TBC1D10A: variants seen among roughly 807,000 people sequenced by gnomAD.
TBC1D10A encodes the protein TBC1 domain family member 10A.
TBC1D10A carries 24 observed loss-of-function variants against 52.9 expected under a neutral mutation model. That is an observed-to-expected ratio of 0.45 (90% confidence interval 0.33 to 0.64). TBC1D10A has a LOEUF of 0.64. Ranked by LOEUF, TBC1D10A falls within the 30% of genes least tolerant of loss-of-function variation. TBC1D10A has a pLI of 0.02. For missense variants in TBC1D10A, 602 were observed against 687.9 expected, an observed-to-expected ratio of 0.88 and a Z score of 1.40; for synonymous variants, 278 against 282.9, an observed-to-expected ratio of 0.98 and a Z score of 0.17.
At chr22:30,296,128 T>C (rs1336104226) in intron 3 of TBC1D10A, 1 of 393,458 alleles carries the variant, frequency 2.5e-6, no homozygotes, top group African/African-American at 2.1e-5. Context: ...TGGAAGGACC[T>C]CTAGACATTT....
rs999025658 is a variant in TBC1D10A at position 30,309,909 on chromosome 22, C to T, written c.210-5279G>A. Among the ~76,000 whole-genome samples, 3 of 152,176 alleles carry T rather than the reference C, an allele frequency of 2.0e-5. No homozygotes were observed. The East Asian group carries it at 5.8e-4, about 29-fold the overall frequency. On this transcript the variant is annotated intron_variant, in intron 1 of 8. Transcript: ENST00000215790. ...AGGGCAGTGTCCATGCTCATCACCT[C>T]CTTATCCTAGCCTGTCGTGGGAGAT...
At chr22:30,307,220 C>T (rs1157745727) in intron 1 of TBC1D10A, among the ~76,000 whole-genome samples, 1 of 152,116 alleles carries the variant, frequency 6.6e-6, no homozygotes, top group Admixed American at 6.5e-5. Context: ...AGAAGCTGGC[C>T]CAGTATAAGG....
Position 30,299,424 on chromosome 22 carries a change from G to C in TBC1D10A, c.417+20C>G. 2 of 1,611,484 alleles carry C rather than the reference G, an allele frequency of 1.2e-6. No homozygotes were observed. The highest frequency in any genetic ancestry group is 1.7e-6 in the Non-Finnish European group (2 of 1,177,722). ...CAAGAGATGCGGAAGGGAGGGCAGG[G>C]CAAAGGAAGGGAAACTTACGTCAAA... On this transcript the variant is annotated intron_variant, in intron 3 of 8. Coordinates refer to ENST00000215790, the MANE Select transcript of TBC1D10A (RefSeq NM_031937.3).
intron 1 of TBC1D10A, among the ~76,000 whole-genome samples, chr22:30,317,940 T>C (rs1162890864): frequency 6.6e-6 from 1 of 152,120 alleles, no homozygotes; most frequent in Non-Finnish European, 1.5e-5. Flanking sequence ...AGCCCCATGG[T>C]TGGGTGAGGG....
At chr22:30,301,871 A>G (rs1698633689) in intron 2 of TBC1D10A, among the ~76,000 whole-genome samples, 1 of 152,168 alleles carries the variant, frequency 6.6e-6, no homozygotes, top group African/African-American at 2.4e-5. Flanking sequence ...GCTGAAGGGA[A>G]CTGCACTAGA....
At chr22:30,312,754 C>T (rs144202038) in intron 1 of TBC1D10A, among the ~76,000 whole-genome samples, 1 of 152,284 alleles carries the variant, frequency 6.6e-6, no homozygotes, top group East Asian at 1.9e-4. Context: ...TCATTCCAAA[C>T]TCCTTCTCAT....
chr22:30,326,830 T>C lies in TBC1D10A; in HGVS notation c.52A>G (p.Ser18Gly). 1 of 1,474,624 alleles carries C rather than the reference T, an allele frequency of 6.8e-7. No homozygotes were observed. The highest frequency in any genetic ancestry group is 8.9e-7 in the Non-Finnish European group (1 of 1,119,378). The allele number at this position is 1,474,624 out of a possible 1,614,324, so 91.3% of individuals were successfully genotyped here. A position where few individuals can be genotyped will look rare whatever the true frequency, so the allele number is the denominator to read the frequency against. ...NGPRAPAAGE[S>G]LSGTRESLAQ... Reference sequence around the variant, plus strand: ...AGGCTCTCCCGGGTTCCCGACAGGCTTTCCCCGGCCGCGGGCGCGCGCGGC... The same window carrying C: ...AGGCTCTCCCGGGTTCCCGACAGGCCTTCCCCGGCCGCGGGCGCGCGCGGC... Residue 18 changes from serine to glycine, a missense_variant, in exon 1 of 9, where the codon AGC (serine) becomes GGC (glycine). This residue lies in a region of TBC1D10A where 201 missense variants were observed against 204.4 expected (regional missense o/e 0.98). Coordinates refer to ENST00000215790, the MANE Select transcript of TBC1D10A (RefSeq NM_031937.3).
In TBC1D10A at chr22:30,295,062, A is replaced by C; in HGVS notation, c.525-7T>G. The stretch of plus-strand genomic sequence containing the variant: ...ACGGAATAGGTCCTGCTGGCTGTGG[A>C]GAGGCCGGGCAGAGCAGTGATGACC... On this transcript the variant is annotated splice_region_variant and splice_polypyrimidine_tract_variant and intron_variant, in intron 4 of 8. Transcript: ENST00000215790. The C allele has an allele frequency of 1.9e-6, 3 of 1,613,386 alleles. No homozygotes were observed. Among genetic ancestry groups the C allele is most frequent in the Non-Finnish European group, 2.5e-6 (3 of 1,179,922 alleles).
intron 1 of TBC1D10A, among the ~76,000 whole-genome samples, chr22:30,323,640 TG>T (rs1930704570): frequency 6.6e-6 from 1 of 152,094 alleles, no homozygotes; most frequent in Admixed American, 6.6e-5. Context: ...TCCTCATCTA[TG>T]TAAGTAAGGG....
intron 8 of TBC1D10A, chr22:30,293,124 A>G (rs1280014719): frequency 1.6e-6 from 1 of 623,260 alleles, no homozygotes; most frequent in African/African-American, 1.8e-5. Context: ...TAAAGGGGTA[A>G]GACCCAGACA....
intron 4 of TBC1D10A, among the ~76,000 whole-genome samples, chr22:30,295,411 T>C (rs1306554618): frequency 6.6e-6 from 1 of 152,164 alleles, no homozygotes; most frequent in Non-Finnish European, 1.5e-5. Flanking sequence ...GCATCTGTCT[T>C]GGTCCCCTTG....
Position 30,292,048 on chromosome 22 carries a change from C to T in TBC1D10A, c.*327G>A, listed in dbSNP as rs1398686345. The T allele has an allele frequency of 3.2e-5, 10 of 308,594 alleles. No individual in the cohort carries two copies. The highest frequency in any genetic ancestry group is 5.3e-5 in the Non-Finnish European group (9 of 168,480). The allele number at this position is 308,594 out of a possible 1,614,324, so 19.1% of individuals were successfully genotyped here. Reference sequence around the variant, plus strand: ...CCATGTTTCTATTTTACACAAAGAACACCCCACCCTTTCCCCTCACACCAG... The same window carrying T: ...CCATGTTTCTATTTTACACAAAGAATACCCCACCCTTTCCCCTCACACCAG... On this transcript the variant is annotated 3_prime_UTR_variant, in exon 9 of 9. Coordinates refer to ENST00000215790, the MANE Select transcript of TBC1D10A (RefSeq NM_031937.3).
At chr22:30,296,655 C>G (rs1373803300) in intron 3 of TBC1D10A, 1 of 152,196 alleles carries the variant, frequency 6.6e-6, no homozygotes, top group African/African-American at 2.4e-5. Context: ...AAAGCCATTA[C>G]AAAAAGGAAA....
At chr22:30,309,205 A>C (rs1259624025) in intron 1 of TBC1D10A, among the ~76,000 whole-genome samples, 1 of 151,066 alleles carries the variant, frequency 6.6e-6, no homozygotes, top group Non-Finnish European at 1.5e-5. Context: ...TGCCAGCACA[A>C]CCTCAGGTGC....
intron 1 of TBC1D10A, among the ~76,000 whole-genome samples, chr22:30,325,145 G>A (rs984159379): frequency 3.3e-5 from 5 of 152,214 alleles, no homozygotes; most frequent in African/African-American, 1.2e-4. Context: ...CATCAGTCAG[G>A]GTGAGGGTTC....
chr22:30,292,775 C>A lies in TBC1D10A; in HGVS notation c.1127G>T (p.Arg376Leu), dbSNP rs1929978220. ...LIQLRRWQET[R>L]GELQCRSPPR... ...CGGGGAGCGGCACTGCAGCTCACCC[C>A]GGGTCTCCTGCCAGCGCCGCAGCTG... Residue 376 changes from arginine to leucine, a missense_variant, in exon 9 of 9, where the codon CGG becomes CTG. Coordinates refer to ENST00000215790, the MANE Select transcript of TBC1D10A (RefSeq NM_031937.3). 5 of 1,611,874 alleles carry A rather than the reference C, an allele frequency of 3.1e-6. No homozygotes were observed. The South Asian group carries it at 5.5e-5, about 18-fold the overall frequency.
intron 8 of TBC1D10A, 170 bp from the exon 9 acceptor site, chr22:30,293,021 C>T: frequency 1.4e-6 from 1 of 709,816 alleles, no homozygotes; most frequent in Non-Finnish European, 2.3e-6. Flanking sequence ...AGCCCCACAG[C>T]TGAGTGCCAG....
chr22:30,318,698 A>C (rs1461511395), intron 1 of TBC1D10A: 1 of 471,136 alleles, frequency 2.1e-6, no homozygotes, highest in Non-Finnish European at 4.4e-6. Context: ...ACCAAGCACT[A>C]ATGATTTGCC....
chr22:30,312,598 CAAAG>C (rs1569163180), intron 1 of TBC1D10A, among the ~76,000 whole-genome samples: 2 of 152,092 alleles, frequency 1.3e-5, no homozygotes, highest in Non-Finnish European at 2.9e-5. Flanking sequence ...ACACAAAAAA[CAAAG>C]AAACTTCAGG....
Sources: allele counts gnomAD v4.1 joint callset (sites outside exome capture counted in the v4.1 genomes callset), GRCh38; gene constraint gnomAD v4.1.1; regional missense constraint gnomAD v4.1.1; transcripts MANE v1.5; gene names NCBI Gene and HGNC (gene_info 2026-07-23, HGNC 2026-07-21).